Variants in PDE1A observed in about 807,000 individuals in gnomAD.
PDE1A encodes phosphodiesterase 1A.
Under a neutral mutation model 61.7 loss-of-function variants are expected in PDE1A, and 35 were observed. The ratio of observed to expected loss-of-function variants is 0.57; its 90% CI spans 0.43 to 0.75. The LOEUF (loss-of-function observed/expected upper bound fraction) is 0.75. PDE1A is among the 30% of genes least tolerant of loss of function. The pLI is 0.00. For missense variants in PDE1A, 597 were observed against 630.6 expected, an observed-to-expected ratio of 0.95 and a Z score of 0.57; for synonymous variants, 232 against 213.2, an observed-to-expected ratio of 1.09 and a Z score of -0.77.
the PDE1A span, among the ~76,000 whole-genome samples, chr2:182,568,620 A>T: frequency 4.6e-5 from 7 of 152,000 alleles, no homozygotes; most frequent in South Asian, 1.5e-3. Context: ...AGCCGAGATC[A>T]CACCACTGCC....
At chr2:182,608,761 G>C in the PDE1A span, among the ~76,000 whole-genome samples, 45 of 152,342 alleles carry the variant, frequency 3.0e-4, 1 homozygote, top group Admixed American at 2.5e-3. Context: ...CCCATCAACC[G>C]CCCAAGGGCT....
chr2:182,270,000 G>GA (rs1213809655), intron 1 of PDE1A, among the ~76,000 whole-genome samples: 20 of 151,878 alleles, frequency 1.3e-4, no homozygotes, highest in Non-Finnish European at 2.6e-4. Context: ...TCAAAGACAT[G>GA]AAAAAAATCT....
chr2:182,315,415 T>TA (rs1473021192), intron 1 of PDE1A, among the ~76,000 whole-genome samples: 3 of 152,210 alleles, frequency 2.0e-5, no homozygotes, highest in Middle Eastern at 3.4e-3. Context: ...CAAATATTAG[T>TA]AAATAAAAGC....
At chr2:182,192,237 G>A (rs1265051359) in intron 10 of PDE1A, among the ~76,000 whole-genome samples, 2 of 152,038 alleles carry the variant, frequency 1.3e-5, no homozygotes, top group African/African-American at 2.4e-5. Flanking sequence ...GATATATGCA[G>A]GGATGACCTT....
chr2:182,175,968 C>T (rs1170738938), intron 13 of PDE1A, among the ~76,000 whole-genome samples: 1 of 145,184 alleles, frequency 6.9e-6, no homozygotes, highest in Non-Finnish European at 1.5e-5. Flanking sequence ...TTGTTTTTCT[C>T]AGGTTTGTCA....
chr2:182,168,104 A>G, exon 14 of PDE1A: 1 of 1,377,420 alleles, frequency 7.3e-7, no homozygotes, highest in South Asian at 2.0e-5. Context: ...TATGTGGCTC[A>G]TGATGCTTAT....
At chr2:182,635,405 T>C in the PDE1A span, among the ~76,000 whole-genome samples, 2 of 152,078 alleles carry the variant, frequency 1.3e-5, no homozygotes, top group African/African-American at 4.8e-5. Flanking sequence ...TAGTAGTATA[T>C]TATAGTTTCC....
chr2:182,238,277 A>AAAAAAAAAAAAAG (rs1199781414), intron 3 of PDE1A, among the ~76,000 whole-genome samples: 5 of 150,806 alleles, frequency 3.3e-5, no homozygotes, highest in African/African-American at 9.8e-5. Context: ...AAAAAAAAAA[A>AAAAAAAAAAAAAG]AAAAAGAAAA....
intron 2 of PDE1A, among the ~76,000 whole-genome samples, chr2:182,489,441 A>G (rs185320215): frequency 3.3e-5 from 5 of 152,352 alleles, no homozygotes. Context: ...TGCGTGAAAA[A>G]GAGCAGAGGT....
intron 1 of PDE1A, among the ~76,000 whole-genome samples, chr2:182,272,901 T>C (rs970346253): frequency 3.3e-5 from 5 of 152,128 alleles, no homozygotes; most frequent in Non-Finnish European, 5.9e-5. Context: ...GAATAATATA[T>C]ACAAAGTCAT....
chr2:182,264,867 G>GTATATATATATATATATATATATATATA (rs1216416384), intron 1 of PDE1A, among the ~76,000 whole-genome samples: 2 of 34,142 alleles, frequency 5.9e-5, no homozygotes, highest in Non-Finnish European at 1.1e-4. Context: ...AGAAAATGTG[G>GTATATATATATATATATATATATATATA]TATATATATA....
the PDE1A span, among the ~76,000 whole-genome samples, chr2:182,535,821 G>T: frequency 1.3e-5 from 2 of 152,122 alleles, no homozygotes; most frequent in Non-Finnish European, 2.9e-5. Flanking sequence ...CCCCATGTTT[G>T]TGTCACAGAA....
intron 1 of PDE1A, among the ~76,000 whole-genome samples, chr2:182,324,347 A>C (rs1696907633): frequency 6.6e-6 from 1 of 151,912 alleles, no homozygotes; most frequent in Non-Finnish European, 1.5e-5. Context: ...CATACAAGAT[A>C]ATCGATGTAT....
At chr2:182,431,748 C>T (rs1010157167), upstream of PDE1A, among the ~76,000 whole-genome samples, 3 of 152,062 alleles carry the variant, frequency 2.0e-5, no homozygotes, top group Non-Finnish European at 4.4e-5. Flanking sequence ...TTACTCCTTA[C>T]AGTAGGCTGT....
rs374324904 is a variant in PDE1A, at chr2:182,203,142, C to T, written c.903-1353G>A. Among the ~76,000 whole-genome samples, 3 of 152,038 alleles carry T rather than the reference C, an allele frequency of 2.0e-5. No homozygotes were observed. The East Asian group carries it at 5.8e-4, about 30-fold the overall frequency. On this transcript the variant is annotated intron_variant, in intron 8 of 13. Coordinates refer to ENST00000351439, the Ensembl canonical transcript of PDE1A. ...CATCCTGGCTAACACGGTGAAACCC[C>T]GTCTCTACTAAAAATACAAAAAAAA...
At chr2:182,463,854 T>C (rs770140873) in intron 2 of PDE1A, among the ~76,000 whole-genome samples, 20 of 152,292 alleles carry the variant, frequency 1.3e-4, no homozygotes, top group Admixed American at 3.9e-4. Flanking sequence ...TGGAAAAGCA[T>C]AAGCATGAAA....
chr2:182,686,406 A>G, the PDE1A span, among the ~76,000 whole-genome samples: 1 of 152,318 alleles, frequency 6.6e-6, no homozygotes, highest in South Asian at 2.1e-4. Flanking sequence ...CTATTCATGT[A>G]TATTTTTGTT....
At chr2:182,265,490 T>G (rs1185299936) in intron 1 of PDE1A, among the ~76,000 whole-genome samples, 2 of 152,222 alleles carry the variant, frequency 1.3e-5, no homozygotes, top group Admixed American at 1.3e-4. Flanking sequence ...TTGAAAATAT[T>G]TTCTCATGTT....
chr2:182,373,975 A>G (rs1035311254), intron 1 of PDE1A, among the ~76,000 whole-genome samples: 2 of 152,220 alleles, frequency 1.3e-5, no homozygotes, highest in African/African-American at 4.8e-5. Context: ...ACAAAAAACA[A>G]TAAATATTAA....
Sources: gnomAD v4.1 joint callset for allele counts (sites outside exome capture counted in the v4.1 genomes callset) on GRCh38, gnomAD v4.1.1 for gene constraint, MANE v1.5 for transcripts, NCBI Gene and HGNC (gene_info 2026-07-23, HGNC 2026-07-21) for gene names.